MUSK: variants seen among roughly 807,000 people sequenced by gnomAD.
The protein encoded by MUSK is muscle, skeletal receptor tyrosine-protein kinase.
A neutral mutation model predicts 88.7 loss-of-function variants in MUSK; 55 were observed. That is an observed-to-expected ratio of 0.62 (90% CI 0.50 to 0.78). The LOEUF is 0.78. Among genes scored for constraint, MUSK ranks in the 30% least tolerant of loss-of-function variants. The pLI is 0.00. For synonymous variants in MUSK, 387 were observed against 391.9 expected (o/e 0.99, Z 0.15); for missense variants, 1,015 against 1,074.3 (o/e 0.94, Z 0.77).
intron 14 of MUSK, chr9:110,788,086 T>A: frequency 2.2e-6 from 1 of 459,226 alleles, no homozygotes; most frequent in Non-Finnish European, 3.9e-6. Flanking sequence ...TATAAAAATG[T>A]TTAAAATGTC....
intron 5 of MUSK, among the ~76,000 whole-genome samples, chr9:110,720,495 A>C (rs1361703541): frequency 6.6e-6 from 1 of 152,120 alleles, no homozygotes; most frequent in Non-Finnish European, 1.5e-5. Flanking sequence ...AACCTAGAGG[A>C]GATGGATAAA....
At position 110,668,950 on chromosome 9, in the gene MUSK, G is replaced by A; in HGVS notation, c.46G>A (p.Val16Ile). The part of the protein sequence containing the change: ...NIPLVHILTL[V>I]AFSGTEKLPK... ...TCCACTGGTACATATTCTTACTCTGGTTGCCTTCAGCGGAACTGAGAAACT... is the reference window on the plus strand; with the variant it reads ...TCCACTGGTACATATTCTTACTCTGATTGCCTTCAGCGGAACTGAGAAACT... The change falls in exon 1 of 15, where the codon GTT becomes ATT. Residue 16 changes from valine (V) to isoleucine (I), a missense_variant. By Grantham distance (29) the Val-to-Ile change is conservative. Coordinates refer to ENST00000374448, the MANE Select transcript of MUSK (RefSeq NM_005592.4). 1 of 1,613,746 alleles carries A rather than the reference G, an allele frequency of 6.2e-7. No individual in the cohort carries two copies.
chr9:110,753,778 T>G (rs961217443), intron 7 of MUSK, among the ~76,000 whole-genome samples: 1 of 152,174 alleles, frequency 6.6e-6, no homozygotes, highest in Admixed American at 6.5e-5. Flanking sequence ...GTGGTAATAC[T>G]GGAGTCTCCC....
chr9:110,748,817 C>T (rs1404737486), intron 7 of MUSK, among the ~76,000 whole-genome samples: 1 of 152,152 alleles, frequency 6.6e-6, no homozygotes, highest in East Asian at 1.9e-4. Flanking sequence ...TGATAAGGAG[C>T]ACTGGACAAG....
rs186756909 is a variant in MUSK, at chr9:110,801,197, C to T, written c.*209C>T. 1.8e-3 allele frequency: 820 copies of T among 447,862 alleles called. 4 individuals are homozygous for T. The highest frequency in any genetic ancestry group is 1.4e-3 in the South Asian group (18 of 13,226). The allele number at this position is 447,862 out of a possible 1,614,324, so 27.7% of individuals were successfully genotyped here. On this transcript the variant is annotated 3_prime_UTR_variant, in exon 15 of 15. Transcript: ENST00000374448. ...GAAAGCCAGTGATTGGAAACACAGG[C>T]TAGGAAATGTGTCAGATAATGGAGA...
At chr9:110,797,598 T>C (rs956423453) in intron 14 of MUSK, among the ~76,000 whole-genome samples, 2 of 152,184 alleles carry the variant, frequency 1.3e-5, no homozygotes, top group Non-Finnish European at 2.9e-5. Flanking sequence ...TTCTGGCACA[T>C]TGTAGGCACT....
At chr9:110,686,379 T>C (rs1025278667) in intron 2 of MUSK, among the ~76,000 whole-genome samples, 2 of 152,130 alleles carry the variant, frequency 1.3e-5, no homozygotes, top group Non-Finnish European at 2.9e-5. Context: ...TATTGACAGA[T>C]TTTGGTGATT....
At chr9:110,717,056 A>G (rs1161487163) in intron 5 of MUSK, among the ~76,000 whole-genome samples, 1 of 149,794 alleles carries the variant, frequency 6.7e-6, no homozygotes, top group Non-Finnish European at 1.5e-5. Flanking sequence ...TACTTTTGTA[A>G]TTCAATCCAA....
intron 6 of MUSK, among the ~76,000 whole-genome samples, chr9:110,735,899 T>C (rs998007254): frequency 6.6e-6 from 1 of 152,068 alleles, no homozygotes; most frequent in African/African-American, 2.4e-5. Flanking sequence ...CTCACTATCA[T>C]GAGAACAGCA....
chr9:110,764,603 T>TAGATTAGATAGATAGATAGATAGA (rs143325894), intron 8 of MUSK, among the ~76,000 whole-genome samples: 1 of 149,006 alleles, frequency 6.7e-6, no homozygotes, highest in Non-Finnish European at 1.5e-5. Context: ...GATAGATAGA[T>TAGATTAGATAGATAGATAGATAGA]TAGATAGATA....
At chr9:110,751,472 G>A (rs1454956299) in intron 7 of MUSK, among the ~76,000 whole-genome samples, 1 of 152,196 alleles carries the variant, frequency 6.6e-6, no homozygotes, top group East Asian at 1.9e-4. Context: ...TGGGGGAAGG[G>A]ATGGTGGGAG....
intron 5 of MUSK, among the ~76,000 whole-genome samples, chr9:110,722,893 G>A (rs1176801594): frequency 6.6e-6 from 1 of 152,038 alleles, no homozygotes; most frequent in Non-Finnish European, 1.5e-5. Flanking sequence ...ATGTTGGCAT[G>A]GGATGTGGTG....
chr9:110,716,899 A>T (rs2076751600), intron 5 of MUSK, among the ~76,000 whole-genome samples: 1 of 149,822 alleles, frequency 6.7e-6, no homozygotes, highest in Non-Finnish European at 1.5e-5. Context: ...TTTTTATAAT[A>T]CCTTTTAGCA....
At chr9:110,749,025 AAAT>A (rs1226285181) in intron 7 of MUSK, among the ~76,000 whole-genome samples, 2 of 152,164 alleles carry the variant, frequency 1.3e-5, no homozygotes, top group South Asian at 2.1e-4. Flanking sequence ...TCAATTTAAC[AAAT>A]AATAATAATA....
At chr9:110,734,712 T>G (rs1357595524) in intron 6 of MUSK, among the ~76,000 whole-genome samples, 2 of 152,156 alleles carry the variant, frequency 1.3e-5, no homozygotes, top group African/African-American at 4.8e-5. Flanking sequence ...GAGGCTACTT[T>G]GATGGAAAGT....
intron 5 of MUSK, among the ~76,000 whole-genome samples, chr9:110,713,572 T>A (rs2076704230): frequency 6.6e-6 from 1 of 152,088 alleles, no homozygotes; most frequent in South Asian, 2.1e-4. Context: ...CTCTTAGACA[T>A]AATTTTAAAC....
intron 7 of MUSK, chr9:110,748,039 G>A (rs2131878642): frequency 3.0e-6 from 2 of 663,984 alleles, no homozygotes; most frequent in East Asian, 2.9e-5. Context: ...CAGCTTCCAG[G>A]AACTCACTTC....
At chr9:110,797,132 TAAAAAA>T (rs2078012451) in intron 14 of MUSK, among the ~76,000 whole-genome samples, 2 of 17,156 alleles carry the variant, frequency 1.2e-4, no homozygotes, top group Non-Finnish European at 2.3e-4. Flanking sequence ...AATAAAAAAA[TAAAAAA>T]TAAAAAATAA....
At chr9:110,790,106 G>A (rs73655633) in intron 14 of MUSK, among the ~76,000 whole-genome samples, 1 of 152,180 alleles carries the variant, frequency 6.6e-6, no homozygotes, top group Non-Finnish European at 1.5e-5. Context: ...AATCAAGAGA[G>A]TGTGGTGTCC....
Sources: allele counts gnomAD v4.1 joint callset (sites outside exome capture counted in the v4.1 genomes callset), GRCh38; gene constraint gnomAD v4.1.1; transcripts MANE v1.5; gene names NCBI Gene and HGNC (gene_info 2026-07-23, HGNC 2026-07-21).